The following OXR1 variants were observed in gnomAD, a reference collection of about 807,000 sequenced individuals.
OXR1 encodes the protein oxidation resistance 1, also known as oxidation resistance protein 1.
In OXR1, 41 loss-of-function variants were observed where a neutral mutation model predicts 104.6. That is an observed-to-expected ratio of 0.39 (90% CI 0.31 to 0.51). The LOEUF (loss-of-function observed/expected upper bound fraction) is 0.51, where lower values mean the gene tolerates loss of function less well. OXR1 is among the 20% of genes least tolerant of loss of function. The pLI is 0.77. For missense variants in OXR1, 955 were observed against 1,031.9 expected (o/e 0.93, Z 1.02); for synonymous variants, 348 against 348.4 (o/e 1.00, Z 0.01).
intron 1 of OXR1, among the ~76,000 whole-genome samples, chr8:106,312,408 G>A (rs994856770): frequency 6.6e-6 from 1 of 152,198 alleles, no homozygotes; most frequent in Non-Finnish European, 1.5e-5. Context: ...ACGGGAAAAC[G>A]AGGCAGAAGC....
intron 11 of OXR1, among the ~76,000 whole-genome samples, chr8:106,716,043 T>C (rs916580934): frequency 6.6e-6 from 1 of 152,230 alleles, no homozygotes; most frequent in Non-Finnish European, 1.5e-5. Flanking sequence ...TTAGTTTTAA[T>C]TATTAATTAA....
At chr8:106,343,459 G>T (rs190392405) in intron 1 of OXR1, among the ~76,000 whole-genome samples, 2 of 152,158 alleles carry the variant, frequency 1.3e-5, no homozygotes, top group Non-Finnish European at 2.9e-5. Context: ...CCATTGTGTT[G>T]GTTTCAGTCT....
In OXR1 at chr8:106,318,699, C is replaced by T. The variant is rs537561022; in HGVS notation, c.-138-40777C>T. On this transcript the variant is annotated intron_variant, in intron 1 of 16. Transcript: ENST00000517566. ...GCCAAATTACTTTCTTCCTCCCTTG[C>T]ATTCCCTGGCTCCTTTGTTCATATC... Among the ~76,000 whole-genome samples the T allele has an allele frequency of 1.6e-4, 24 of 152,326 alleles. No individual in the cohort carries two copies. In the South Asian group the frequency reaches 4.6e-3, roughly 29 times the overall value.
chr8:106,458,839 C>T (rs73309253), intron 2 of OXR1, among the ~76,000 whole-genome samples: 7,354 of 152,192 alleles, frequency 0.048, 586 homozygotes, highest in African/African-American at 0.17. Flanking sequence ...TTGCTTAGTC[C>T]TCCCTTTTAA....
At chr8:106,412,992 G>A (rs1818520317) in intron 2 of OXR1, among the ~76,000 whole-genome samples, 1 of 152,024 alleles carries the variant, frequency 6.6e-6, no homozygotes, top group Non-Finnish European at 1.5e-5. Flanking sequence ...AATACCATAT[G>A]AATTTTAATT....
At chr8:106,542,133 C>T (rs982881932) in intron 3 of OXR1, among the ~76,000 whole-genome samples, 1 of 152,106 alleles carries the variant, frequency 6.6e-6, no homozygotes, top group African/African-American at 2.4e-5. Flanking sequence ...ACAAAGAGGG[C>T]ACAATTATTT....
chr8:106,396,331 G>GTCATCTCAACCAAA (rs2130459252), intron 2 of OXR1, among the ~76,000 whole-genome samples: 1 of 152,092 alleles, frequency 6.6e-6, no homozygotes, highest in African/African-American at 2.4e-5. Context: ...AGTGATCAAA[G>GTCATCTCAACCAAA]TTAACGTTGC....
At chr8:106,657,777 GT>G (rs1563674602) in intron 3 of OXR1, 1 of 1,168,402 alleles carries the variant, frequency 8.6e-7, no homozygotes, top group Non-Finnish European at 1.1e-6. Flanking sequence ...ACTTTTGTCC[GT>G]CTTTTGCTCC....
In OXR1 at chr8:106,610,432, C is replaced by G. The variant is rs183265189; in HGVS notation, c.221-68778C>G. ...ATCTTGTTCATGCTCTGCTTAAAAG[C>G]TGAAGTATCTCTCTGTTACCCTCAG... On this transcript the variant is annotated intron_variant, in intron 3 of 16. Coordinates refer to ENST00000517566, the MANE Select transcript of OXR1 (RefSeq NM_001198533.2). Among the ~76,000 whole-genome samples the G allele has an allele frequency of 4.8e-4, 73 of 152,330 alleles. No individual in the cohort carries two copies. In the Middle Eastern group the frequency reaches 0.01, roughly 21 times the overall value.
intron 1 of OXR1, among the ~76,000 whole-genome samples, chr8:106,320,957 C>T (rs1814191571): frequency 6.6e-6 from 1 of 152,224 alleles, no homozygotes; most frequent in Admixed American, 6.5e-5. Flanking sequence ...CAGGCATGAG[C>T]CACCACGCCT....
At chr8:106,660,167 G>T (rs1825615621) in intron 3 of OXR1, among the ~76,000 whole-genome samples, 1 of 152,230 alleles carries the variant, frequency 6.6e-6, no homozygotes, top group Non-Finnish European at 1.5e-5. Context: ...AGCAGAATTA[G>T]TGAAAACTAG....
intron 1 of OXR1, among the ~76,000 whole-genome samples, chr8:106,289,300 G>A (rs1306160834): frequency 6.6e-6 from 1 of 152,108 alleles, no homozygotes; most frequent in African/African-American, 2.4e-5. Context: ...GAACTGATAA[G>A]CTATTTTAAT....
intron 3 of OXR1, among the ~76,000 whole-genome samples, chr8:106,531,499 A>G (rs563565111): frequency 6.6e-6 from 1 of 152,304 alleles, no homozygotes; most frequent in African/African-American, 2.4e-5. Context: ...TAGAAAGGGC[A>G]TTGATATCCT....
chr8:106,563,595 G>C lies in OXR1; in HGVS notation c.220+44456G>C, dbSNP rs551802243. On this transcript the variant is annotated intron_variant, in intron 3 of 16. Transcript: ENST00000517566. ...GACAGAACAATAAGACAGAAAATTA[G>C]CAAGGATGTTCAGGACTTCAACTCA... Among the ~76,000 whole-genome samples the C allele has an allele frequency of 4.6e-5, 7 of 152,142 alleles. No individual in the cohort carries two copies. In the South Asian group the frequency reaches 1.2e-3, roughly 27 times the overall value.
At chr8:106,407,243 A>C (rs1471319443) in intron 2 of OXR1, among the ~76,000 whole-genome samples, 2 of 152,210 alleles carry the variant, frequency 1.3e-5, no homozygotes, top group Non-Finnish European at 2.9e-5. Flanking sequence ...AACTGATACT[A>C]TCTTGAGCTA....
intron 14 of OXR1, among the ~76,000 whole-genome samples, chr8:106,741,701 AT>A (rs1427179587): frequency 2.0e-5 from 3 of 152,108 alleles, no homozygotes; most frequent in Non-Finnish European, 4.4e-5. Context: ...CAATTTTCTC[AT>A]TAGGGTACTG....
chr8:106,590,350 C>T (rs571328251), intron 3 of OXR1, among the ~76,000 whole-genome samples: 8 of 152,284 alleles, frequency 5.3e-5, no homozygotes, highest in African/African-American at 1.4e-4. Context: ...TGCACTGGCA[C>T]GATCTTGGCT....
At chr8:106,561,969 G>A (rs905384111) in intron 3 of OXR1, among the ~76,000 whole-genome samples, 1 of 152,058 alleles carries the variant, frequency 6.6e-6, no homozygotes, top group East Asian at 1.9e-4. Context: ...CCATCTAAAA[G>A]TTACCAACAT....
rs1169164159 is a variant in OXR1 at position 106,751,520 on chromosome 8, A to G, written c.*579A>G. 4 of 152,680 alleles carry G rather than the reference A, an allele frequency of 2.6e-5. No individual in the cohort carries two copies. The highest frequency in any genetic ancestry group is 6.5e-5 in the Admixed American group (1 of 15,300). The allele number at this position is 152,680 out of a possible 1,614,324, so 9.5% of individuals were successfully genotyped here. A position where few individuals can be genotyped will look rare whatever the true frequency, so the allele number is the denominator to read the frequency against. On this transcript the variant is annotated 3_prime_UTR_variant, in exon 17 of 17. Coordinates refer to ENST00000517566, the MANE Select transcript of OXR1 (RefSeq NM_001198533.2). ...TTTAACGATGTTGCAGGTATTCTCA[A>G]TTTCCTTTTAAGAAAAATGAAATGT...
Sources: gnomAD v4.1 joint callset for allele counts (sites outside exome capture counted in the v4.1 genomes callset) on GRCh38, gnomAD v4.1.1 for gene constraint, MANE v1.5 for transcripts, NCBI Gene and HGNC (gene_info 2026-07-23, HGNC 2026-07-21) for gene names.